Variants in SEMA4D observed in about 807,000 individuals in gnomAD.
The protein encoded by SEMA4D is semaphorin-4D.
A neutral mutation model predicts 74.8 loss-of-function variants in SEMA4D; 22 were observed. The ratio of observed to expected loss-of-function variants is 0.29; its 90% CI spans 0.21 to 0.42. The LOEUF is 0.42. Among genes scored for constraint, SEMA4D ranks in the 10% least tolerant of loss-of-function variants. The probability of loss-of-function intolerance (pLI) is 1.00; values close to 1 mark genes in which losing one functional copy is unlikely to be tolerated. For missense variants in SEMA4D, 937 were observed against 1,118.4 expected, an observed-to-expected ratio of 0.84 and a Z score of 2.31; for synonymous variants, 445 against 463.7, an observed-to-expected ratio of 0.96 and a Z score of 0.52.
intron 16 of SEMA4D, chr9:89,364,571 T>C (rs979329554): frequency 6.8e-5 from 11 of 161,012 alleles, no homozygotes; most frequent in African/African-American, 2.6e-4. Flanking sequence ...ACATCCAGGA[T>C]GGGCTTCCAG....
intron 1 of SEMA4D, chr9:89,480,018 A>T (rs1312008502): frequency 6.6e-6 from 1 of 152,236 alleles, no homozygotes; most frequent in Non-Finnish European, 1.5e-5. Context: ...TGAGCTAGAT[A>T]GAAAGGTTCT....
intron 1 of SEMA4D, among the ~76,000 whole-genome samples, chr9:89,458,026 G>C (rs1250409349): frequency 5.1e-4 from 78 of 152,310 alleles, no homozygotes; most frequent in African/African-American, 1.8e-3. Context: ...GAGCGAGACT[G>C]GGTCTCAAAC....
At position 89,492,601 on chromosome 9, in the gene SEMA4D, C is replaced by G. The variant is rs11265919; in HGVS notation, c.-310+5318G>C. Among the ~76,000 whole-genome samples the G allele has an allele frequency of 0.36, 55,244 of 151,864 alleles. 11,089 individuals are homozygous for G. The highest frequency in any genetic ancestry group is 0.44 in the Non-Finnish European group (30,046 of 67,908). ...ACCATCCCTCTGAATCCTCACAACTCCTCCCCTGAAGACCTCAGTCTCAGA... is the reference window on the plus strand; with the variant it reads ...ACCATCCCTCTGAATCCTCACAACTGCTCCCCTGAAGACCTCAGTCTCAGA... On this transcript the variant is annotated intron_variant, in intron 1 of 15. Coordinates refer to ENST00000422704, the MANE Select transcript of SEMA4D (RefSeq NM_001371194.2). The surrounding 1 kb of genome is among the most constrained non-coding windows in gnomAD (Gnocchi z 4.3).
rs755429074 is a variant in SEMA4D, at chr9:89,388,975, G to A, written c.847C>T (p.Arg283Trp). 37 of 1,613,900 alleles carry A rather than the reference G, an allele frequency of 2.3e-5. No individual in the cohort carries two copies. Among genetic ancestry groups the A allele is most frequent in the Admixed American group, 1.0e-4 (6 of 59,996 alleles). Residue 283 changes from arginine (R) to tryptophan (W), a missense_variant, in exon 10 of 16, where the codon CGG becomes TGG. Physicochemically the swap from Arg to Trp is moderately radical, Grantham distance 101. Coordinates refer to ENST00000422704, the MANE Select transcript of SEMA4D (RefSeq NM_001371194.2). ...TTGAAGACCAAGCCGCTGTCTGGCC[G>A]GGAGCAGATGAGTCGGGCTTTCAGG... ...SFLKARLICSRPDSGLVFNVL... is the reference protein window; with the variant it reads ...SFLKARLICSWPDSGLVFNVL...
Position 89,387,694 on chromosome 9 carries a change from G to A in SEMA4D, c.1108-86C>T, listed in dbSNP as rs114870151. ...CACACAAGCAGCCAACGCAGGGGGG[G>A]CTGCAAAACCTGGAAACCACACAAT... On this transcript the variant is annotated intron_variant, in intron 11 of 15. Coordinates refer to ENST00000422704, the MANE Select transcript of SEMA4D (RefSeq NM_001371194.2). The A allele has an allele frequency of 6.6e-4, 775 of 1,174,662 alleles. 3 individuals are homozygous for A. In the African/African-American group the frequency reaches 0.01, roughly 16 times the overall value. 72.8% of individuals were successfully genotyped at this position (1,174,662 alleles called of 1,614,324 possible).
intron 8 of SEMA4D, among the ~76,000 whole-genome samples, chr9:89,392,062 C>T (rs752642406): frequency 1.3e-4 from 20 of 152,364 alleles, no homozygotes; most frequent in Admixed American, 1.2e-3. Flanking sequence ...GAGGCAGGTC[C>T]CACACCAGTG....
intron 2 of SEMA4D, among the ~76,000 whole-genome samples, chr9:89,451,766 T>TAA (rs35992699): frequency 0.16 from 23,497 of 150,288 alleles, 2,366 homozygotes; most frequent in South Asian, 0.23. Context: ...TTTGCTCATT[T>TAA]AAAAAAAAAA....
intron 2 of SEMA4D, among the ~76,000 whole-genome samples, chr9:89,426,806 C>G (rs1204650048): frequency 2.0e-5 from 3 of 152,178 alleles, no homozygotes; most frequent in Non-Finnish European, 4.4e-5. Flanking sequence ...TAACCATATT[C>G]AAACCAAACC....
chr9:89,376,892 C>T, downstream of SEMA4D: 1 of 1,550,898 alleles, frequency 6.4e-7, no homozygotes, highest in Non-Finnish European at 8.7e-7. Flanking sequence ...TGCCTGGTCA[C>T]TCAGGAAGGG....
chr9:89,457,408 A>G (rs1229052119), intron 1 of SEMA4D, among the ~76,000 whole-genome samples: 2 of 152,220 alleles, frequency 1.3e-5, no homozygotes, highest in Non-Finnish European at 2.9e-5. Flanking sequence ...TAAATGGTCT[A>G]TCCAAACACT....
intron 13 of SEMA4D, chr9:89,384,749 G>C: frequency 8.1e-6 from 8 of 985,448 alleles, no homozygotes; most frequent in Non-Finnish European, 9.6e-6. Flanking sequence ...GACAGGGGGA[G>C]GGCGTGGTAC....
intron 1 of SEMA4D, among the ~76,000 whole-genome samples, chr9:89,493,863 G>C (rs1319272755): frequency 6.6e-6 from 1 of 152,180 alleles, no homozygotes; most frequent in African/African-American, 2.4e-5. Context: ...ACCAGCAATG[G>C]GGACCCCTCT....
At position 89,378,823 on chromosome 9, in the gene SEMA4D, T is replaced by A; in HGVS notation, c.2470A>T (p.Ser824Cys). The A allele has an allele frequency of 6.2e-7, 1 of 1,614,204 alleles. No individual in the cohort carries two copies. The highest frequency in any genetic ancestry group is 8.5e-7 in the Non-Finnish European group (1 of 1,180,030). Residue 824 changes from serine (S) to cysteine (C), a missense_variant, in exon 16 of 16, where the codon AGC becomes TGC. By Grantham distance (112) the Ser-to-Cys change is moderately radical. Coordinates refer to ENST00000422704, the MANE Select transcript of SEMA4D (RefSeq NM_001371194.2). Reference protein sequence around the residue: ...GYETEQDTITSKVPTDREDSQ... With the variant: ...GYETEQDTITCKVPTDREDSQ... ...TCCTCCCTATCCGTGGGGACTTTGC[T>A]GGTGATGGTGTCTTGCTCGGTCTCA...
intron 1 of SEMA4D, among the ~76,000 whole-genome samples, chr9:89,471,218 G>A (rs1860115923): frequency 6.6e-6 from 1 of 152,140 alleles, no homozygotes; most frequent in African/African-American, 2.4e-5. Context: ...ATCAGGGCTG[G>A]GGAGTTATTT....
In SEMA4D at chr9:89,461,700, C is replaced by CTCTTTTTTTTTTTTTTTTTTTTTTTTTT. The variant is rs71281350; in HGVS notation, c.-309-5748_-309-5747insAAAAAAAAAAAAAAAAAAAAAAAAAAGA. ...GGGCCAATGTGTATTTCTTTTTTCTCTTTTTTTTTTTTTTTTTTTGGAGAC... is the reference window on the plus strand; with the variant it reads ...GGGCCAATGTGTATTTCTTTTTTCTCTCTTTTTTTTTTTTTTTTTTTTTTTTTTTTTTTTTTTTTTTTTTTTTGGAGAC... On this transcript the variant is annotated intron_variant, in intron 1 of 15. Transcript: ENST00000422704. Among the ~76,000 whole-genome samples the CTCTTTTTTTTTTTTTTTTTTTTTTTTTT allele has an allele frequency of 5.8e-5, 6 of 103,662 alleles. 1 individual carries two copies. The highest frequency in any genetic ancestry group is 7.3e-4 in the East Asian group (2 of 2,730). 68.0% of individuals were successfully genotyped at this position (103,662 alleles called of 152,430 possible). A position where few individuals can be genotyped will look rare whatever the true frequency, so the allele number is the denominator to read the frequency against.
intron 1 of SEMA4D, among the ~76,000 whole-genome samples, chr9:89,488,862 T>C (rs1275280307): frequency 2.0e-5 from 3 of 151,898 alleles, no homozygotes; most frequent in African/African-American, 4.8e-5. Context: ...AGGCAAGCCA[T>C]AGACTGAGAG....
intron 2 of SEMA4D, among the ~76,000 whole-genome samples, chr9:89,420,833 A>G (rs1000223894): frequency 1.7e-4 from 26 of 152,252 alleles, no homozygotes; most frequent in African/African-American, 6.0e-4. Context: ...AAGTGGGCAT[A>G]CTAATACTGC....
intron 2 of SEMA4D, among the ~76,000 whole-genome samples, chr9:89,423,460 G>A (rs902377798): frequency 6.6e-6 from 1 of 152,122 alleles, no homozygotes; most frequent in African/African-American, 2.4e-5. Flanking sequence ...AAAGTGCTGG[G>A]ATTATAGGCA....
intron 1 of SEMA4D, among the ~76,000 whole-genome samples, chr9:89,481,003 C>T (rs908274127): frequency 3.3e-5 from 5 of 152,244 alleles, no homozygotes; most frequent in Non-Finnish European, 7.3e-5. Flanking sequence ...ATACACACAT[C>T]CTTCTCCCGC....
Sources: gnomAD v4.1 joint callset for allele counts (sites outside exome capture counted in the v4.1 genomes callset) on GRCh38, gnomAD v4.1.1 for gene constraint, Gnocchi (gnomAD v3.1) non-coding constraint, MANE v1.5 for transcripts, NCBI Gene and HGNC (gene_info 2026-07-23, HGNC 2026-07-21) for gene names.